C1orf87: variants seen among roughly 807,000 people sequenced by gnomAD.
C1orf87 encodes chromosome 1 open reading frame 87.
C1orf87 carries 58 observed loss-of-function variants against 60.5 expected under a neutral mutation model. That is an observed-to-expected ratio of 0.96 (90% confidence interval 0.78 to 1.19). The LOEUF (loss-of-function observed/expected upper bound fraction) is 1.19. Ranked by LOEUF, C1orf87 falls within the 50% of genes most tolerant of loss-of-function variation. The pLI is 0.00. For missense variants in C1orf87, 673 were observed against 638.6 expected, an observed-to-expected ratio of 1.05 and a Z score of -0.58; for synonymous variants, 236 against 227.4, an observed-to-expected ratio of 1.04 and a Z score of -0.34.
rs148690695 is a variant in C1orf87 at position 60,055,350 on chromosome 1, G to T, written c.196C>A (p.Pro66Thr). The T allele has an allele frequency of 1.2e-6, 2 of 1,614,002 alleles. No homozygotes were observed. The highest frequency in any genetic ancestry group is 1.7e-6 in the Non-Finnish European group (2 of 1,180,026). ...TGATCAGTGAAGTTAATGGGAACTG[G>T]GGTGTCTCTGCTCATCTGCCTTGCA... ...DNARQMSRDT[P>T]VPINFTDQQT... Residue 66 changes from proline to threonine, a missense_variant, in exon 3 of 12, where the codon CCA becomes ACA. Pro to Thr is a conservative substitution (Grantham distance 38, BLOSUM62 -1). Coordinates refer to ENST00000371201, the MANE Select transcript of C1orf87 (RefSeq NM_152377.3).
intron 5 of C1orf87, 84 bp from the exon 6 acceptor site, chr1:60,038,191 A>C: frequency 1.5e-6 from 1 of 666,680 alleles, no homozygotes; most frequent in Non-Finnish European, 2.4e-6. Flanking sequence ...GTATTTGGCA[A>C]ATTTTTACCA....
intron 2 of C1orf87, among the ~76,000 whole-genome samples, chr1:60,061,221 A>G (rs932103548): frequency 1.3e-5 from 2 of 152,238 alleles, no homozygotes; most frequent in African/African-American, 4.8e-5. Context: ...TACTCTATCA[A>G]TATAAATTTG....
intron 8 of C1orf87, among the ~76,000 whole-genome samples, chr1:60,014,647 G>A (rs1645112902): frequency 6.6e-6 from 1 of 152,104 alleles, no homozygotes; most frequent in Non-Finnish European, 1.5e-5. Flanking sequence ...GCTCTTCTAT[G>A]AGGGTTATGA....
chr1:60,049,440 T>G (rs1205772372), intron 3 of C1orf87, among the ~76,000 whole-genome samples: 3 of 152,162 alleles, frequency 2.0e-5, no homozygotes, highest in Non-Finnish European at 4.4e-5. Flanking sequence ...CCCATTTTTC[T>G]AATAGTATAA....
At chr1:60,026,288 G>C (rs1419021665) in intron 7 of C1orf87, among the ~76,000 whole-genome samples, 1 of 152,182 alleles carries the variant, frequency 6.6e-6, no homozygotes, top group South Asian at 2.1e-4. Flanking sequence ...ATCTTGGGAA[G>C]TTACTTAACC....
chr1:59,995,730 C>T (rs973238270), intron 11 of C1orf87, among the ~76,000 whole-genome samples: 12 of 152,178 alleles, frequency 7.9e-5, no homozygotes, highest in Non-Finnish European at 1.5e-4. Flanking sequence ...CTTATTTGTG[C>T]CTTCATTTGT....
chr1:60,009,177 C>T (rs1446841623), intron 9 of C1orf87, among the ~76,000 whole-genome samples: 1 of 152,098 alleles, frequency 6.6e-6, no homozygotes, highest in South Asian at 2.1e-4. Flanking sequence ...CTTGGAATGA[C>T]TGTTGTCTTT....
At chr1:60,064,780 TA>T (rs1390985774) in intron 2 of C1orf87, among the ~76,000 whole-genome samples, 2 of 93,552 alleles carry the variant, frequency 2.1e-5, no homozygotes, top group African/African-American at 9.0e-5. Context: ...ATTTAATATA[TA>T]AATATATATT....
At chr1:60,061,314 T>A (rs1032298084) in intron 2 of C1orf87, among the ~76,000 whole-genome samples, 3 of 152,102 alleles carry the variant, frequency 2.0e-5, no homozygotes, top group African/African-American at 7.2e-5. Context: ...TATACACACA[T>A]GAGAAGTTTT....
chr1:60,009,865 G>A (rs1355176547), intron 9 of C1orf87, among the ~76,000 whole-genome samples: 1 of 151,844 alleles, frequency 6.6e-6, no homozygotes, highest in Non-Finnish European at 1.5e-5. Context: ...TAGCAACCCA[G>A]CCATGTTATT....
intron 3 of C1orf87, among the ~76,000 whole-genome samples, chr1:60,047,843 TA>T (rs1286705039): frequency 2.6e-5 from 4 of 152,026 alleles, no homozygotes; most frequent in African/African-American, 9.7e-5. Flanking sequence ...AACATTTAAA[TA>T]TTTTTTTCAA....
intron 2 of C1orf87, among the ~76,000 whole-genome samples, chr1:60,063,604 T>C (rs1645511663): frequency 1.3e-5 from 2 of 152,174 alleles, no homozygotes; most frequent in South Asian, 4.1e-4. Flanking sequence ...AAAAATGGCT[T>C]TCCTGCTCTT....
rs938670432 is a variant in C1orf87, at chr1:60,025,576, T to C, written c.1030-78A>G. Reference sequence around the variant, plus strand: ...TGTTTCAATAGAATACAATTAATATTTGTTTTTTCTCATAATTGGAAGCTA... The same window carrying C: ...TGTTTCAATAGAATACAATTAATATCTGTTTTTTCTCATAATTGGAAGCTA... On this transcript the variant is annotated intron_variant, in intron 7 of 11. Coordinates refer to ENST00000371201, the MANE Select transcript of C1orf87 (RefSeq NM_152377.3). 30 of 1,121,222 alleles carry C rather than the reference T, an allele frequency of 2.7e-5. No individual in the cohort carries two copies. The Middle Eastern group carries it at 8.0e-4, about 30-fold the overall frequency. The allele number at this position is 1,121,222 out of a possible 1,614,324, so 69.5% of individuals were successfully genotyped here.
intron 8 of C1orf87, among the ~76,000 whole-genome samples, chr1:60,023,096 T>G (rs1645175051): frequency 6.6e-6 from 1 of 152,104 alleles, no homozygotes; most frequent in Non-Finnish European, 1.5e-5. Flanking sequence ...TAATTTGTCT[T>G]TTTCTCTGTG....
At chr1:60,063,965 G>T (rs530360439) in intron 2 of C1orf87, among the ~76,000 whole-genome samples, 3 of 151,986 alleles carry the variant, frequency 2.0e-5, no homozygotes, top group Admixed American at 2.0e-4. Context: ...GAGTCAGTGG[G>T]CTGGGAAAGG....
intron 3 of C1orf87, among the ~76,000 whole-genome samples, chr1:60,042,702 T>C (rs1223780759): frequency 6.6e-6 from 1 of 152,224 alleles, no homozygotes; most frequent in Non-Finnish European, 1.5e-5. Flanking sequence ...CTTTTACATT[T>C]GGAAAGCCAA....
chr1:60,059,067 A>C (rs1416408095), intron 2 of C1orf87, among the ~76,000 whole-genome samples: 1 of 152,236 alleles, frequency 6.6e-6, no homozygotes, highest in Non-Finnish European at 1.5e-5. Context: ...AATCTGTTTC[A>C]AGTAAAAGCT....
At chr1:60,013,496 C>T (rs535492684) in intron 8 of C1orf87, among the ~76,000 whole-genome samples, 1 of 151,720 alleles carries the variant, frequency 6.6e-6, no homozygotes, top group Non-Finnish European at 1.5e-5. Flanking sequence ...TTTTTGTGTC[C>T]TTTAAATCTC....
intron 11 of C1orf87, among the ~76,000 whole-genome samples, chr1:59,996,003 T>G (rs681213): frequency 1 from 152,225 of 152,272 alleles, 76,089 homozygotes; most frequent in Non-Finnish European, 1. Flanking sequence ...GCTCATAACG[T>G]ATTTTTAATA....
Sources: gnomAD v4.1 joint callset for allele counts (sites outside exome capture counted in the v4.1 genomes callset) on GRCh38, gnomAD v4.1.1 for gene constraint, MANE v1.5 for transcripts, NCBI Gene and HGNC (gene_info 2026-07-23, HGNC 2026-07-21) for gene names.